The following NBEA variants were observed in gnomAD, a reference collection of about 807,000 sequenced individuals.
The protein encoded by NBEA is neurobeachin, also known as lysosomal-trafficking regulator 2.
NBEA carries 44 observed loss-of-function variants against 343.4 expected under a neutral mutation model. That is an observed-to-expected ratio of 0.13 (90% CI 0.10 to 0.16). NBEA has a LOEUF of 0.16. Among genes scored for constraint, NBEA ranks in the 10% least tolerant of loss-of-function variants. NBEA has a pLI of 1.00. For synonymous variants in NBEA, 1,175 were observed against 1,238.7 expected (o/e 0.95, Z 1.08); for missense variants, 2,555 against 3,631.3 (o/e 0.70, Z 7.62).
chr13:35,159,501 T>G lies in NBEA; in HGVS notation c.3330T>G (p.Asn1110Lys), dbSNP rs1404552477. 2.5e-6 allele frequency: 4 copies of G among 1,613,148 alleles called. No homozygotes were observed. The highest frequency in any genetic ancestry group is 3.3e-5 in the Admixed American group (2 of 59,878). Reference sequence around the variant, plus strand: ...CTGCTGTTGAGAAACTCCAGAACAATGTACATGGAAGTGTTGGTATCATTA... The same window carrying G: ...CTGCTGTTGAGAAACTCCAGAACAAGGTACATGGAAGTGTTGGTATCATTA... ...YSAAVEKLQN[N>K]VHGSVGIIKK... Residue 1110 changes from asparagine (N) to lysine (K), a missense_variant, in exon 22 of 59, where the codon AAT becomes AAG. Transcript: ENST00000379939.
At chr13:35,645,348 G>A (rs1026571961) in intron 49 of NBEA, among the ~76,000 whole-genome samples, 1 of 152,144 alleles carries the variant, frequency 6.6e-6, no homozygotes, top group African/African-American at 2.4e-5. Context: ...TAATATTTCA[G>A]AAAAAGATTT....
chr13:35,346,472 G>A (rs2152860868), intron 36 of NBEA, among the ~76,000 whole-genome samples: 1 of 152,194 alleles, frequency 6.6e-6, no homozygotes, highest in African/African-American at 2.4e-5. Flanking sequence ...TTCCCTCAGT[G>A]ATTAAGACTG....
intron 41 of NBEA, among the ~76,000 whole-genome samples, chr13:35,518,510 C>G (rs2077571727): frequency 1.3e-5 from 2 of 152,252 alleles, no homozygotes; most frequent in South Asian, 2.1e-4. Context: ...CTTGTCTTAG[C>G]AAAGAGATGT....
chr13:35,260,390 A>C (rs1160377700), intron 34 of NBEA, among the ~76,000 whole-genome samples: 1 of 152,258 alleles, frequency 6.6e-6, no homozygotes, highest in Non-Finnish European at 1.5e-5. Flanking sequence ...TGGACAAAAT[A>C]TATGAATAAG....
At chr13:34,972,096 AT>A (rs1163692098) in intron 1 of NBEA, among the ~76,000 whole-genome samples, 1 of 151,112 alleles carries the variant, frequency 6.6e-6, no homozygotes, top group African/African-American at 2.4e-5. Context: ...GAATTTATCC[AT>A]TTTTTTTCTA....
chr13:34,971,307 C>T (rs1050045941), intron 1 of NBEA, among the ~76,000 whole-genome samples: 20 of 152,102 alleles, frequency 1.3e-4, no homozygotes, highest in Non-Finnish European at 2.4e-4. Flanking sequence ...GATACAGGAT[C>T]ATGTCATTGG....
intron 38 of NBEA, among the ~76,000 whole-genome samples, chr13:35,392,280 A>G (rs956511441): frequency 1.3e-5 from 2 of 152,118 alleles, no homozygotes; most frequent in African/African-American, 4.8e-5. Context: ...GAGAAATATT[A>G]TTGAAAATAA....
intron 9 of NBEA, 31 bp downstream of exon 9, chr13:35,070,136 C>T: frequency 2.1e-6 from 3 of 1,457,244 alleles, no homozygotes; most frequent in South Asian, 1.5e-5. Flanking sequence ...TTTTCATGTT[C>T]TTGTCAGAAT....
intron 10 of NBEA, among the ~76,000 whole-genome samples, chr13:35,095,379 T>C (rs2065281908): frequency 6.6e-6 from 1 of 151,316 alleles, no homozygotes; most frequent in Non-Finnish European, 1.5e-5. Flanking sequence ...TCTCAGGTAT[T>C]TGTGGGCCAA....
intron 40 of NBEA, among the ~76,000 whole-genome samples, chr13:35,462,122 T>A (rs2046939536): frequency 6.6e-6 from 1 of 152,192 alleles, no homozygotes; most frequent in South Asian, 2.1e-4. Context: ...TTCACTCGGG[T>A]GAATGTGGTT....
intron 1 of NBEA, among the ~76,000 whole-genome samples, chr13:34,947,620 ATG>A (rs1013515411): frequency 2.6e-5 from 4 of 152,012 alleles, no homozygotes; most frequent in African/African-American, 7.2e-5. Context: ...GCAGTTATTT[ATG>A]TGTGTTTCCC....
At chr13:35,631,705 A>C (rs1428744801) in intron 49 of NBEA, among the ~76,000 whole-genome samples, 1 of 151,512 alleles carries the variant, frequency 6.6e-6, no homozygotes, top group Non-Finnish European at 1.5e-5. Flanking sequence ...GTTAGTGCTA[A>C]AGTTTGAGAA....
At chr13:35,399,681 T>C (rs2042904965) in intron 38 of NBEA, among the ~76,000 whole-genome samples, 1 of 152,158 alleles carries the variant, frequency 6.6e-6, no homozygotes, top group Non-Finnish European at 1.5e-5. Flanking sequence ...AAGAACTTTT[T>C]CTTTGCATTC....
chr13:35,203,836 G>A (rs981920884), intron 31 of NBEA, among the ~76,000 whole-genome samples: 1 of 152,100 alleles, frequency 6.6e-6, no homozygotes, highest in African/African-American at 2.4e-5. Flanking sequence ...TACAACCTTG[G>A]AGTGTGTATA....
chr13:35,182,287 G>C, intron 28 of NBEA, 73 bp from the exon 29 acceptor site: 1 of 1,331,544 alleles, frequency 7.5e-7, no homozygotes, highest in Non-Finnish European at 1.0e-6. Flanking sequence ...TAATAAAATA[G>C]CAGTTTCTAG....
At chr13:35,189,397 G>A (rs755104516) in intron 30 of NBEA, among the ~76,000 whole-genome samples, 3 of 152,062 alleles carry the variant, frequency 2.0e-5, no homozygotes, top group African/African-American at 7.2e-5. Flanking sequence ...TTGTTTTGTT[G>A]CTGTTGAGCT....
intron 7 of NBEA, among the ~76,000 whole-genome samples, chr13:35,057,775 A>G (rs184058745): frequency 7.0e-4 from 106 of 152,200 alleles, no homozygotes; most frequent in African/African-American, 2.4e-3. Context: ...TTTTTTGGTT[A>G]TTTGTAATAG....
In NBEA at chr13:35,196,285, G is replaced by C; in HGVS notation, c.5349G>C (p.Gln1783His). Reference sequence around the variant, plus strand: ...AAACACAAGCTATTCTTCCTATGCAGTTTCATTCCTTTGACAGGTAGGTAC... The same window carrying C: ...AAACACAAGCTATTCTTCCTATGCACTTTCATTCCTTTGACAGGTAGGTAC... ...KRETQAILPM[Q>H]FHSFDRSVVV... The change falls in exon 31 of 59, where the codon CAG (glutamine) becomes CAC (histidine). Residue 1783 changes from glutamine to histidine, a missense_variant. Around this residue, in one of 21 missense-constraint regions of NBEA, gnomAD observed 270 missense variants for 293.3 expected, o/e 0.92. Coordinates refer to ENST00000379939, the MANE Select transcript of NBEA (RefSeq NM_001385012.1). The C allele has an allele frequency of 6.2e-7, 1 of 1,612,492 alleles. No individual in the cohort carries two copies. Among genetic ancestry groups the C allele is most frequent in the Non-Finnish European group, 8.5e-7 (1 of 1,179,100 alleles).
intron 39 of NBEA, among the ~76,000 whole-genome samples, chr13:35,433,089 C>G (rs139168275): frequency 6.6e-6 from 1 of 152,062 alleles, no homozygotes; most frequent in Non-Finnish European, 1.5e-5. Flanking sequence ...TATCACACTA[C>G]AGTAGAACTA....
Sources: gnomAD v4.1 joint callset for allele counts (sites outside exome capture counted in the v4.1 genomes callset) on GRCh38, gnomAD v4.1.1 for gene constraint, gnomAD v4.1.1 regional missense constraint, MANE v1.5 for transcripts, NCBI Gene and HGNC (gene_info 2026-07-23, HGNC 2026-07-21) for gene names.